Variants in MYO18B observed in about 807,000 individuals in gnomAD.
MYO18B encodes unconventional myosin-XVIIIb.
A neutral mutation model predicts 273.0 loss-of-function variants in MYO18B; 204 were observed. The ratio of observed to expected loss-of-function variants is 0.75; its 90% CI spans 0.67 to 0.84. The LOEUF (loss-of-function observed/expected upper bound fraction) is 0.84, where lower values mean the gene tolerates loss of function less well. Ranked by LOEUF, MYO18B falls within the 40% of genes least tolerant of loss-of-function variation. The pLI, the probability that MYO18B is intolerant of heterozygous loss-of-function variation, is 0.00. For synonymous variants in MYO18B, 1,330 were observed against 1,305.7 expected (o/e 1.02, Z -0.40); for missense variants, 3,212 against 3,287.6 (o/e 0.98, Z 0.56).
At chr22:25,828,685 G>A in intron 14 of MYO18B, 91 bp from the exon 15 acceptor site, 2 of 1,327,842 alleles carry the variant, frequency 1.5e-6, no homozygotes, top group Non-Finnish European at 1.0e-6. Context: ...GGTGAGCTTG[G>A]TTTTGAAACC....
intron 36 of MYO18B, 80 bp from the exon 37 acceptor site, chr22:25,950,287 A>G: frequency 8.2e-7 from 1 of 1,215,934 alleles, no homozygotes; most frequent in South Asian, 1.4e-5. Flanking sequence ...TGGGGAAAGT[A>G]GGGATTTTCA....
intron 2 of MYO18B, 150 bp from the exon 3 acceptor site, chr22:25,763,081 C>T (rs780558461): frequency 1.1e-6 from 1 of 897,594 alleles, no homozygotes; most frequent in Non-Finnish European, 1.9e-6. Flanking sequence ...CGTGCTGGGC[C>T]TCACCTGCTT....
intron 36 of MYO18B, among the ~76,000 whole-genome samples, chr22:25,948,052 T>G (rs2092735288): frequency 6.6e-6 from 1 of 152,152 alleles, no homozygotes. Context: ...CCATGAAAGA[T>G]TTGGACTTAT....
intron 27 of MYO18B, 96 bp from the exon 28 acceptor site, chr22:25,895,060 C>A: frequency 7.1e-7 from 1 of 1,410,270 alleles, no homozygotes; most frequent in Non-Finnish European, 9.6e-7. Flanking sequence ...TGTGAAATTG[C>A]ATGCCAAGAG....
chr22:25,879,349 A>G (rs1343356675), intron 25 of MYO18B, among the ~76,000 whole-genome samples: 1 of 152,238 alleles, frequency 6.6e-6, no homozygotes, highest in Non-Finnish European at 1.5e-5. Context: ...TCTTGCAAAC[A>G]TAATGCCAAA....
chr22:25,970,495 T>G (rs1001755895), intron 39 of MYO18B, among the ~76,000 whole-genome samples: 3 of 152,168 alleles, frequency 2.0e-5, no homozygotes, highest in African/African-American at 7.2e-5. Context: ...TTGTCTTGGC[T>G]GCATTCCAGG....
chr22:25,992,717 C>T (rs2093282840), intron 40 of MYO18B, among the ~76,000 whole-genome samples: 2 of 152,212 alleles, frequency 1.3e-5, no homozygotes, highest in Non-Finnish European at 2.9e-5. Flanking sequence ...GCTTACCAAG[C>T]CTTTGGTGAG....
intron 25 of MYO18B, among the ~76,000 whole-genome samples, chr22:25,879,259 A>C (rs1183233889): frequency 6.6e-6 from 1 of 152,250 alleles, no homozygotes; most frequent in East Asian, 1.9e-4. Context: ...CGAAAGCTAA[A>C]ACATTTACTC....
chr22:25,924,826 C>A (rs1040717675), intron 34 of MYO18B, among the ~76,000 whole-genome samples: 1 of 152,102 alleles, frequency 6.6e-6, no homozygotes, highest in African/African-American at 2.4e-5. Flanking sequence ...GAAATGGTCA[C>A]CTGGGTTGGG....
Position 25,886,136 on chromosome 22 carries a change from A to G in MYO18B, c.4315-4620A>G, listed in dbSNP as rs113531480. 2.3e-3 allele frequency among the ~76,000 whole-genome samples: 353 copies of G among 152,314 alleles called. 3 individuals are homozygous for G. The highest frequency in any genetic ancestry group is 8.1e-3 in the African/African-American group (338 of 41,570). ...TCTGCCACCTCGAGACAACATCAGT[A>G]CCCACTTCTCAGCATTTTGAGCATT... is the stretch of plus-strand genomic sequence containing the variant. On this transcript the variant is annotated intron_variant, in intron 25 of 43. Transcript: ENST00000335473.
intron 14 of MYO18B, among the ~76,000 whole-genome samples, chr22:25,827,816 A>T (rs1200608150): frequency 2.0e-5 from 3 of 152,226 alleles, no homozygotes; most frequent in African/African-American, 7.2e-5. Flanking sequence ...AGCTGCTTCA[A>T]GGTTTGGGTT....
chr22:25,744,716 G>A (rs935852602), intron 1 of MYO18B, among the ~76,000 whole-genome samples: 1 of 152,160 alleles, frequency 6.6e-6, no homozygotes, highest in Non-Finnish European at 1.5e-5. Context: ...CCTGGGGACA[G>A]AGAGAGACTC....
At chr22:25,930,367 T>C (rs1354204283) in intron 34 of MYO18B, among the ~76,000 whole-genome samples, 3 of 151,704 alleles carry the variant, frequency 2.0e-5, no homozygotes, top group Non-Finnish European at 4.4e-5. Context: ...TTAGCCAAAG[T>C]CACAAAGGTA....
At position 25,910,139 on chromosome 22, in the gene MYO18B, G is replaced by A. The variant is rs368453318; in HGVS notation, c.5260-807G>A. Among the ~76,000 whole-genome samples the A allele has an allele frequency of 8.8e-4, 134 of 152,336 alleles. 6 individuals carry two copies. In the South Asian group the frequency reaches 0.027, roughly 30 times the overall value. On this transcript the variant is annotated intron_variant, in intron 32 of 43. Transcript: ENST00000335473. ...TTGCAAATTAAATGAGTCGCTCATA[G>A]TCAGATGTCTGAGTTCAGGCTGCTG...
intron 21 of MYO18B, among the ~76,000 whole-genome samples, chr22:25,862,846 T>TG (rs695260): frequency 0.12 from 17,028 of 147,326 alleles, 1,369 homozygotes; most frequent in African/African-American, 0.24. Flanking sequence ...ACTTTTTTTT[T>TG]GGGGGGGGGT....
chr22:25,914,759 C>T (rs757094106), intron 33 of MYO18B, among the ~76,000 whole-genome samples: 3 of 122,940 alleles, frequency 2.4e-5, no homozygotes, highest in East Asian at 2.8e-4. Context: ...TGCAGCGGCG[C>T]GATCTCAGCT....
At chr22:25,920,529 C>T (rs1158994251) in intron 33 of MYO18B, among the ~76,000 whole-genome samples, 1 of 152,136 alleles carries the variant, frequency 6.6e-6, no homozygotes. Context: ...TGACAGCTGT[C>T]CCTGGCAAAT....
chr22:25,880,444 A>G (rs1381144713), intron 25 of MYO18B, among the ~76,000 whole-genome samples: 1 of 152,144 alleles, frequency 6.6e-6, no homozygotes, highest in Admixed American at 6.5e-5. Flanking sequence ...AATCTTATTT[A>G]TCTTGATTTC....
At chr22:26,060,132 G>A in the MYO18B span, among the ~76,000 whole-genome samples, 1 of 152,210 alleles carries the variant, frequency 6.6e-6, no homozygotes, top group Non-Finnish European at 1.5e-5. Context: ...CTCTAGGGCA[G>A]GGACCAGGGA....
Sources: gnomAD v4.1 joint callset for allele counts (sites outside exome capture counted in the v4.1 genomes callset) on GRCh38, gnomAD v4.1.1 for gene constraint, MANE v1.5 for transcripts, NCBI Gene and HGNC (gene_info 2026-07-23, HGNC 2026-07-21) for gene names.